Variants in UVRAG observed in about 807,000 individuals in gnomAD.
UVRAG encodes the protein UV radiation resistance associated.
In UVRAG, 19 loss-of-function variants were observed where a neutral mutation model predicts 78.0. The observed-to-expected ratio is 0.24, with a 90% CI of 0.17 to 0.36. UVRAG has a LOEUF of 0.36. Ranked by LOEUF, UVRAG falls within the 10% of genes least tolerant of loss-of-function variation. The pLI, the probability that UVRAG is intolerant of heterozygous loss-of-function variation, is 1.00. For missense variants in UVRAG, 740 were observed against 853.8 expected (o/e 0.87, Z 1.66); for synonymous variants, 323 against 324.6 (o/e 1.00, Z 0.05).
intron 6 of UVRAG, among the ~76,000 whole-genome samples, chr11:75,919,846 G>A (rs1330202565): frequency 6.6e-6 from 1 of 151,930 alleles, no homozygotes; most frequent in Non-Finnish European, 1.5e-5. Flanking sequence ...TCTGAAGAAA[G>A]GTCTGCCAGG....
At chr11:76,082,225 G>A (rs1403544938) in intron 13 of UVRAG, among the ~76,000 whole-genome samples, 1 of 152,012 alleles carries the variant, frequency 6.6e-6, no homozygotes, top group Non-Finnish European at 1.5e-5. Flanking sequence ...TTTTCTATAT[G>A]CATATTATAT....
intron 6 of UVRAG, among the ~76,000 whole-genome samples, chr11:75,956,689 G>A (rs1948806479): frequency 6.6e-6 from 1 of 152,132 alleles, no homozygotes; most frequent in Non-Finnish European, 1.5e-5. Context: ...GCACCAGCCT[G>A]ATATATTTTT....
chr11:75,874,625 G>A (rs1946724570), intron 3 of UVRAG, among the ~76,000 whole-genome samples: 1 of 152,144 alleles, frequency 6.6e-6, no homozygotes. Context: ...TTAAATATTT[G>A]TATGTGCTAG....
At position 75,851,900 on chromosome 11, in the gene UVRAG, T is replaced by C. The variant is rs1213326349; in HGVS notation, c.135T>C (p.Leu45=). The change falls in exon 2 of 15, where the codon CTT becomes CTC. Residue 45 remains leucine, a synonymous_variant. Coordinates refer to ENST00000356136, the MANE Select transcript of UVRAG (RefSeq NM_003369.4). ...LPSQQRRLRH[L]RNIAARNIVN... is the part of the protein sequence containing the mutation. ...TTTTTCAGCGGCGTCTTCGACATCT[T>C]CGGAACATTGCTGCCCGGAACATTG... 6.2e-7 allele frequency: 1 copy of C among 1,611,970 alleles called. No homozygotes were observed. The highest frequency in any genetic ancestry group is 8.5e-7 in the Non-Finnish European group (1 of 1,179,522).
At chr11:75,846,462 C>T (rs1405989314) in intron 1 of UVRAG, among the ~76,000 whole-genome samples, 1 of 152,168 alleles carries the variant, frequency 6.6e-6, no homozygotes, top group Non-Finnish European at 1.5e-5. Flanking sequence ...AGAAAGTCCT[C>T]ACAAACCCAA....
intron 6 of UVRAG, among the ~76,000 whole-genome samples, chr11:75,940,504 T>G (rs1476934439): frequency 6.6e-6 from 1 of 152,172 alleles, no homozygotes; most frequent in Non-Finnish European, 1.5e-5. Flanking sequence ...TTTTAATGAT[T>G]CCTAAAATAC....
intron 12 of UVRAG, among the ~76,000 whole-genome samples, chr11:76,026,496 T>G (rs1452007706): frequency 6.6e-6 from 1 of 152,182 alleles, no homozygotes; most frequent in Non-Finnish European, 1.5e-5. Context: ...GATGGCCTTC[T>G]TCCAGAAATG....
At chr11:76,082,539 CAAAAA>C (rs5792708) in intron 13 of UVRAG, among the ~76,000 whole-genome samples, 1 of 101,696 alleles carries the variant, frequency 9.8e-6, no homozygotes. Flanking sequence ...GACTCCGTCC[CAAAAA>C]AAAAAAAAAA....
At chr11:76,008,132 G>A (rs1040752912) in intron 10 of UVRAG, among the ~76,000 whole-genome samples, 8 of 151,938 alleles carry the variant, frequency 5.3e-5, no homozygotes, top group Non-Finnish European at 1.2e-4. Context: ...GGATGGTCTC[G>A]ATCTCCTGAC....
intron 13 of UVRAG, among the ~76,000 whole-genome samples, chr11:76,077,161 G>A (rs1056354606): frequency 1.3e-5 from 2 of 148,280 alleles, no homozygotes; most frequent in African/African-American, 4.9e-5. Context: ...TATAATATAT[G>A]TAAATATTAT....
intron 8 of UVRAG, among the ~76,000 whole-genome samples, chr11:75,986,005 G>A (rs1000103703): frequency 2.0e-5 from 3 of 151,772 alleles, no homozygotes; most frequent in African/African-American, 7.3e-5. Context: ...AGTTATTTTT[G>A]CCCTATGTCA....
chr11:76,115,073 G>A (rs1489174097), intron 13 of UVRAG, among the ~76,000 whole-genome samples: 10 of 152,198 alleles, frequency 6.6e-5, no homozygotes, highest in Admixed American at 6.5e-4. Flanking sequence ...GTGAGAATAT[G>A]CACATCCACT....
intron 8 of UVRAG, among the ~76,000 whole-genome samples, chr11:75,997,528 G>C (rs1949730331): frequency 6.6e-6 from 1 of 152,164 alleles, no homozygotes; most frequent in South Asian, 2.1e-4. Flanking sequence ...GGTAAACCAA[G>C]CTCCGGCATT....
chr11:75,981,874 G>C (rs1439960149), intron 7 of UVRAG, among the ~76,000 whole-genome samples: 2 of 150,050 alleles, frequency 1.3e-5, no homozygotes, highest in Non-Finnish European at 3.0e-5. Flanking sequence ...ATTTCCATTT[G>C]GTTCTTTATA....
At position 76,046,570 on chromosome 11, in the gene UVRAG, A is replaced by G. The variant is rs138825035; in HGVS notation, c.1227-19140A>G. Among the ~76,000 whole-genome samples the G allele has an allele frequency of 9.2e-3, 1,402 of 152,342 alleles. 17 individuals are homozygous for G. The highest frequency in any genetic ancestry group is 0.015 in the Admixed American group (233 of 15,306). On this transcript the variant is annotated intron_variant, in intron 12 of 14. Transcript: ENST00000356136. Reference sequence around the variant, plus strand: ...ATATGGCTCTGCTCAAAAAAATAACATGGTTATAATACTGTAATGTTGCAT... The same window carrying G: ...ATATGGCTCTGCTCAAAAAAATAACGTGGTTATAATACTGTAATGTTGCAT...
chr11:75,883,139 A>G (rs1946989012), intron 4 of UVRAG, among the ~76,000 whole-genome samples: 1 of 152,084 alleles, frequency 6.6e-6, no homozygotes, highest in Admixed American at 6.6e-5. Flanking sequence ...GAAAGTATCT[A>G]TATTTCATGG....
intron 12 of UVRAG, among the ~76,000 whole-genome samples, chr11:76,029,575 A>G (rs1291987172): frequency 1.3e-5 from 2 of 152,198 alleles, no homozygotes; most frequent in African/African-American, 4.8e-5. Context: ...TGAAGGGTTC[A>G]AGACTTCAGT....
At chr11:75,882,283 G>GCGGGAGGATCACTTGAAGC (rs1301993490) in intron 4 of UVRAG, among the ~76,000 whole-genome samples, 1 of 152,108 alleles carries the variant, frequency 6.6e-6, no homozygotes, top group East Asian at 1.9e-4. Context: ...GGAGGCTGAG[G>GCGGGAGGATCACTTGAAGC]CGGGAGGATC....
chr11:75,893,609 C>A (rs568779465), intron 5 of UVRAG, among the ~76,000 whole-genome samples: 94 of 136,252 alleles, frequency 6.9e-4, no homozygotes, highest in African/African-American at 2.5e-3. Context: ...AGTAAACTTT[C>A]AGTCAAGAGT....
Sources: gnomAD v4.1 joint callset for allele counts (sites outside exome capture counted in the v4.1 genomes callset) on GRCh38, gnomAD v4.1.1 for gene constraint, MANE v1.5 for transcripts, NCBI Gene and HGNC (gene_info 2026-07-23, HGNC 2026-07-21) for gene names.